The following PCDH15 variants were observed in gnomAD, a reference collection of about 807,000 sequenced individuals.
The protein encoded by PCDH15 is protocadherin-15.
Under a neutral mutation model 178.5 loss-of-function variants are expected in PCDH15, and 129 were observed. That is an observed-to-expected ratio of 0.72 (90% confidence interval 0.63 to 0.84). The LOEUF is 0.84. PCDH15 is among the 40% of genes least tolerant of loss of function. The probability of loss-of-function intolerance (pLI) is 0.00; values close to 1 mark genes in which losing one functional copy is unlikely to be tolerated. For synonymous variants in PCDH15, 800 were observed against 732.0 expected, an observed-to-expected ratio of 1.09 and a Z score of -1.50; for missense variants, 2,230 against 2,099.9, an observed-to-expected ratio of 1.06 and a Z score of -1.21.
intron 2 of PCDH15, among the ~76,000 whole-genome samples, chr10:54,594,340 C>G (rs1042325104): frequency 1.3e-4 from 20 of 152,084 alleles, no homozygotes; most frequent in Non-Finnish European, 2.9e-5. Context: ...AGACATTAGC[C>G]CTAAGGAAAG....
chr10:55,269,169 A>G (rs1408653350), intron 1 of PCDH15, among the ~76,000 whole-genome samples: 1 of 152,138 alleles, frequency 6.6e-6, no homozygotes, highest in African/African-American at 2.4e-5. Context: ...ACCTGCAGCC[A>G]ACACCATATG....
intron 2 of PCDH15, among the ~76,000 whole-genome samples, chr10:55,074,183 G>GTC (rs1271092696): frequency 2.0e-5 from 3 of 152,148 alleles, no homozygotes; most frequent in African/African-American, 7.2e-5. Flanking sequence ...ACACGTGCAC[G>GTC]TATCTTTGTA....
chr10:54,632,726 C>A (rs569363168), intron 2 of PCDH15, among the ~76,000 whole-genome samples: 2 of 152,224 alleles, frequency 1.3e-5, no homozygotes, highest in South Asian at 4.1e-4. Context: ...TAAGCACCTG[C>A]ACCTGCCCCA....
chr10:55,073,942 T>C (rs1419617242), intron 2 of PCDH15, among the ~76,000 whole-genome samples: 1 of 152,048 alleles, frequency 6.6e-6, no homozygotes, highest in African/African-American at 2.4e-5. Context: ...AGCTCACACT[T>C]GTAAGTGAGA....
chr10:55,379,072 T>C (rs1456216300), intron 2 of PCDH15, among the ~76,000 whole-genome samples: 1 of 151,872 alleles, frequency 6.6e-6, no homozygotes, highest in African/African-American at 2.4e-5. Context: ...TAAAACAAAC[T>C]TGTAATGAAC....
At chr10:54,480,735 T>C (rs2078657616) in intron 3 of PCDH15, among the ~76,000 whole-genome samples, 1 of 152,028 alleles carries the variant, frequency 6.6e-6, no homozygotes. Context: ...GCTACAAATT[T>C]CTTTCTTAAA....
intron 25 of PCDH15, among the ~76,000 whole-genome samples, chr10:53,906,672 A>T (rs1303852775): frequency 6.6e-6 from 1 of 152,200 alleles, no homozygotes; most frequent in Non-Finnish European, 1.5e-5. Flanking sequence ...AGTCCAAAGA[A>T]GGCTTTTGGT....
intron 21 of PCDH15, among the ~76,000 whole-genome samples, chr10:53,980,527 G>A (rs2090549679): frequency 1.3e-5 from 2 of 152,128 alleles, no homozygotes; most frequent in Admixed American, 1.3e-4. Flanking sequence ...TGTAAGCACT[G>A]TACCAAACTA....
At chr10:54,883,434 C>T (rs533520918) in intron 3 of PCDH15, among the ~76,000 whole-genome samples, 33 of 152,068 alleles carry the variant, frequency 2.2e-4, no homozygotes, top group African/African-American at 6.7e-4. Context: ...ACATACCCTA[C>T]GTATCCTAAA....
intron 2 of PCDH15, among the ~76,000 whole-genome samples, chr10:55,478,017 AAGT>A (rs1295927273): frequency 6.6e-6 from 1 of 151,916 alleles, no homozygotes; most frequent in Admixed American, 6.6e-5. Context: ...GGAAACCAAA[AAGT>A]AGCAGGAGTA....
intron 2 of PCDH15, among the ~76,000 whole-genome samples, chr10:54,644,482 T>C (rs750216052): frequency 2.6e-5 from 4 of 151,898 alleles, no homozygotes; most frequent in Non-Finnish European, 5.9e-5. Flanking sequence ...TCACTCAAGG[T>C]CAACAAAGAG....
chr10:53,834,122 G>C (rs886064012), intron 29 of PCDH15, among the ~76,000 whole-genome samples: 1 of 152,132 alleles, frequency 6.6e-6, no homozygotes, highest in Non-Finnish European at 1.5e-5. Context: ...CAAAACCACA[G>C]AAGAGGGTTG....
At chr10:55,625,514 T>A (rs973372729) in intron 2 of PCDH15, among the ~76,000 whole-genome samples, 2 of 152,138 alleles carry the variant, frequency 1.3e-5, no homozygotes, top group African/African-American at 4.8e-5. Context: ...TGAAACAGTA[T>A]CTTGTGTGTT....
Position 54,714,074 on chromosome 10 carries a change from G to A in PCDH15, c.-28-49784C>T, listed in dbSNP as rs558125665. ...TTTTCACATCAGAAACACTGGCCACGTAGCAGCCCCTTTATTCTTCGGTTA... is the reference window on the plus strand; with the variant it reads ...TTTTCACATCAGAAACACTGGCCACATAGCAGCCCCTTTATTCTTCGGTTA... On this transcript the variant is annotated intron_variant, in intron 1 of 37. Coordinates refer to ENST00000644397, the MANE Select transcript of PCDH15 (RefSeq NM_001384140.1). 1.2e-3 allele frequency among the ~76,000 whole-genome samples: 178 copies of A among 152,266 alleles called. 1 individual carries two copies. The highest frequency in any genetic ancestry group is 2.5e-3 in the South Asian group (12 of 4,834).
At chr10:55,113,204 C>G (rs1837551649) in intron 2 of PCDH15, among the ~76,000 whole-genome samples, 1 of 152,106 alleles carries the variant, frequency 6.6e-6, no homozygotes. Context: ...TGGTATGGAA[C>G]ACTTGTTACA....
intron 36 of PCDH15, 108 bp from the exon 37 acceptor site, chr10:53,810,772 T>C (rs931022484): frequency 1.0e-4 from 103 of 993,880 alleles, no homozygotes; most frequent in African/African-American, 3.2e-5. Context: ...TCGACAGATA[T>C]TTACACAGCA....
chr10:54,263,244 T>C (rs2057451441), intron 8 of PCDH15, among the ~76,000 whole-genome samples: 1 of 152,080 alleles, frequency 6.6e-6, no homozygotes, highest in Non-Finnish European at 1.5e-5. Context: ...ATCCTCAGTG[T>C]GGACCACTCC....
At chr10:54,080,010 G>C (rs1364903536) in intron 16 of PCDH15, among the ~76,000 whole-genome samples, 5 of 151,696 alleles carry the variant, frequency 3.3e-5, no homozygotes, top group Admixed American at 3.3e-4. Context: ...GTTTCTTTTT[G>C]TACTTTATTA....
intron 21 of PCDH15, among the ~76,000 whole-genome samples, chr10:53,989,818 A>C (rs1464173615): frequency 6.6e-6 from 1 of 152,182 alleles, no homozygotes; most frequent in Non-Finnish European, 1.5e-5. Context: ...GACTAACAAC[A>C]CAAGCCAGTA....
Sources: allele counts gnomAD v4.1 joint callset (sites outside exome capture counted in the v4.1 genomes callset), GRCh38; gene constraint gnomAD v4.1.1; transcripts MANE v1.5; gene names NCBI Gene and HGNC (gene_info 2026-07-23, HGNC 2026-07-21).